Variants in SOBP observed in about 807,000 individuals in gnomAD.
The protein encoded by SOBP is sine oculis-binding protein homolog.
SOBP carries 4 observed loss-of-function variants against 53.6 expected under a neutral mutation model. That is an observed-to-expected ratio of 0.07 (90% CI 0.04 to 0.17). The LOEUF (loss-of-function observed/expected upper bound fraction) is 0.17, where lower values mean the gene tolerates loss of function less well. Among genes scored for constraint, SOBP ranks in the 10% least tolerant of loss-of-function variants. The pLI, the probability that SOBP is intolerant of heterozygous loss-of-function variation, is 1.00. For missense variants in SOBP, 1,088 were observed against 1,204.7 expected (o/e 0.90, Z 1.43); for synonymous variants, 584 against 522.6 (o/e 1.12, Z -1.60).
Position 107,633,964 on chromosome 6 carries a change from C to G in SOBP, c.1120C>G (p.Pro374Ala), listed in dbSNP as rs1283720266. 6.2e-7 allele frequency: 1 copy of G among 1,614,080 alleles called. No homozygotes were observed. The highest frequency in any genetic ancestry group is 8.5e-7 in the Non-Finnish European group (1 of 1,180,034). ...CGTCCAGCCACCTGCTAGCATCGGG[C>G]CTCCCCTTGGCGTCCCGCCTCGGAG... is the stretch of plus-strand genomic sequence containing the variant. ...VSVQPPASIG[P>A]PLGVPPRSPP... The change falls in exon 6 of 7, where the codon CCT becomes GCT. Residue 374 changes from proline (P) to alanine (A), a missense_variant. Around this residue, in one of 6 missense-constraint regions of SOBP, gnomAD observed 211 missense variants for 258.9 expected, o/e 0.82. Coordinates refer to ENST00000317357, the MANE Select transcript of SOBP (RefSeq NM_018013.4).
chr6:107,635,147 T>C lies in SOBP; in HGVS notation c.2303T>C (p.Leu768Pro). 6.2e-7 allele frequency: 1 copy of C among 1,612,996 alleles called. No individual in the cohort carries two copies. ...CCTGAGGAACCGGCGGTGAGCGAGC[T>C]AGAGTCGGTCAAGGAGAATAACTGT... ...LSPEEPAVSE[L>P]ESVKENNCAS... The change falls in exon 6 of 7, where the codon CTA (leucine) becomes CCA (proline). Residue 768 changes from leucine (L) to proline (P), a missense_variant. Transcript: ENST00000317357. The surrounding 1 kb of genome is among the most constrained non-coding windows in gnomAD (Gnocchi z 4.5).
chr6:107,514,704 G>GT (rs971198394), intron 3 of SOBP: 7 of 152,170 alleles, frequency 4.6e-5, no homozygotes, highest in African/African-American at 1.7e-4. Context: ...CTAAGCCTTA[G>GT]TTTCCTTGTC....
intron 5 of SOBP, among the ~76,000 whole-genome samples, chr6:107,624,082 T>G (rs1289334162): frequency 1.3e-5 from 2 of 152,198 alleles, no homozygotes; most frequent in Non-Finnish European, 2.9e-5. Flanking sequence ...AGCAAAGACC[T>G]TGCGTAAGCA....
intron 3 of SOBP, among the ~76,000 whole-genome samples, chr6:107,517,973 G>C (rs1051517534): frequency 3.9e-5 from 6 of 152,080 alleles, no homozygotes; most frequent in African/African-American, 1.4e-4. Flanking sequence ...ATTCGCCATA[G>C]TGCAATATAT....
chr6:107,574,113 A>G (rs1222123159), intron 4 of SOBP, among the ~76,000 whole-genome samples: 1 of 152,222 alleles, frequency 6.6e-6, no homozygotes, highest in African/African-American at 2.4e-5. Flanking sequence ...AATGACACAT[A>G]TAGTGCATCC....
intron 4 of SOBP, among the ~76,000 whole-genome samples, chr6:107,575,288 C>T (rs1785193297): frequency 1.3e-5 from 2 of 152,150 alleles, no homozygotes; most frequent in South Asian, 4.1e-4. Flanking sequence ...TGGCACAGGA[C>T]AATCATTAAA....
chr6:107,588,187 A>G (rs1785626318), intron 5 of SOBP, among the ~76,000 whole-genome samples: 1 of 152,164 alleles, frequency 6.6e-6, no homozygotes, highest in African/African-American at 2.4e-5. Flanking sequence ...CACATGTAAC[A>G]GTCTTTGGAT....
At chr6:107,653,175 G>A (rs554035649) in intron 6 of SOBP, among the ~76,000 whole-genome samples, 1 of 152,332 alleles carries the variant, frequency 6.6e-6, no homozygotes, top group African/African-American at 2.4e-5. Flanking sequence ...ATGAAGCAAT[G>A]GTTGATGGAG....
intron 4 of SOBP, among the ~76,000 whole-genome samples, chr6:107,535,580 A>G (rs1351641211): frequency 2.0e-5 from 3 of 148,420 alleles, no homozygotes; most frequent in Non-Finnish European, 3.0e-5. Context: ...ATCCTTCCTT[A>G]TATATCCCAA....
At position 107,659,721 on chromosome 6, in the gene SOBP, G is replaced by C. The variant is rs1299329586; in HGVS notation, c.*1518G>C. The C allele has an allele frequency of 2.0e-5, 3 of 152,730 alleles. No individual in the cohort carries two copies. The highest frequency in any genetic ancestry group is 7.2e-5 in the African/African-American group (3 of 41,456). 9.5% of individuals were successfully genotyped at this position (152,730 alleles called of 1,614,324 possible). On this transcript the variant is annotated 3_prime_UTR_variant, in exon 7 of 7. Coordinates refer to ENST00000317357, the MANE Select transcript of SOBP (RefSeq NM_018013.4). Reference sequence around the variant, plus strand: ...GTGGCGCCAGCCTTGAAGCACCACGGCCCAAGGATGCGGTGTACATACTGT... The same window carrying C: ...GTGGCGCCAGCCTTGAAGCACCACGCCCCAAGGATGCGGTGTACATACTGT...
At chr6:107,546,589 AG>A (rs949636586) in intron 4 of SOBP, among the ~76,000 whole-genome samples, 1 of 152,194 alleles carries the variant, frequency 6.6e-6, no homozygotes, top group African/African-American at 2.4e-5. Flanking sequence ...GCACACAGAA[AG>A]CCTCTGGATT....
At chr6:107,558,790 T>G (rs1399289070) in intron 4 of SOBP, among the ~76,000 whole-genome samples, 1 of 152,038 alleles carries the variant, frequency 6.6e-6, no homozygotes, top group Non-Finnish European at 1.5e-5. Flanking sequence ...TCAGAAAAAA[T>G]TTAAGTTATT....
chr6:107,557,850 C>T (rs1339074942), intron 4 of SOBP: 1 of 152,174 alleles, frequency 6.6e-6, no homozygotes, highest in Non-Finnish European at 1.5e-5. Flanking sequence ...TATCCTTTGT[C>T]TGTGTCATTC....
intron 5 of SOBP, among the ~76,000 whole-genome samples, chr6:107,602,276 G>A (rs1721312533): frequency 6.6e-6 from 1 of 152,206 alleles, no homozygotes; most frequent in African/African-American, 2.4e-5. Context: ...CTGAGACTCA[G>A]TCCTGATTGG....
chr6:107,583,506 A>G (rs567563975), intron 4 of SOBP, among the ~76,000 whole-genome samples: 3 of 152,244 alleles, frequency 2.0e-5, no homozygotes, highest in African/African-American at 7.2e-5. Context: ...CCCACAAGCA[A>G]CTAGTTCTGT....
At position 107,661,014 on chromosome 6, in the gene SOBP, G is replaced by A. The variant is rs1772272738; in HGVS notation, c.*2811G>A. Among the ~76,000 whole-genome samples, 1 of 152,196 alleles carries A rather than the reference G, an allele frequency of 6.6e-6. No homozygotes were observed. Among genetic ancestry groups the A allele is most frequent in the Non-Finnish European group, 1.5e-5 (1 of 68,038 alleles). On this transcript the variant is annotated 3_prime_UTR_variant, in exon 7 of 7. Transcript: ENST00000317357. ...AAGCCCAGCCAAGGACGTGCCAGCG[G>A]CCGAGGCACCCGGCTGTGGTTGTCC...
intron 3 of SOBP, chr6:107,513,810 G>T (rs1432129997): frequency 6.6e-6 from 1 of 152,116 alleles, no homozygotes; most frequent in African/African-American, 2.4e-5. Context: ...AGGAATTAAC[G>T]ATGAATGGCA....
At chr6:107,576,904 A>G (rs1785241242) in intron 4 of SOBP, among the ~76,000 whole-genome samples, 1 of 152,196 alleles carries the variant, frequency 6.6e-6, no homozygotes, top group African/African-American at 2.4e-5. Flanking sequence ...GTCACAAATA[A>G]CAATTGTGAC....
chr6:107,634,538 A>C lies in SOBP; in HGVS notation c.1694A>C (p.Asn565Thr). ...FSSNGENFIP[N>T]APGDSAAAGG... ...AGCAACGGGGAGAACTTCATTCCGA[A>C]CGCCCCTGGCGACTCCGCGGCGGCG... The change falls in exon 6 of 7, where the codon AAC becomes ACC. Residue 565 changes from asparagine to threonine, a missense_variant. Around this residue, in one of 6 missense-constraint regions of SOBP, gnomAD observed 665 missense variants for 629.7 expected, o/e 1.06. Transcript: ENST00000317357. This position sits in a 1 kb window ranked among gnomAD's most constrained non-coding sequence, Gnocchi z 4.5. 6.2e-7 allele frequency: 1 copy of C among 1,609,746 alleles called. No individual in the cohort carries two copies. Among genetic ancestry groups the C allele is most frequent in the Non-Finnish European group, 8.5e-7 (1 of 1,179,790 alleles).
Sources: allele counts gnomAD v4.1 joint callset (sites outside exome capture counted in the v4.1 genomes callset), GRCh38; gene constraint gnomAD v4.1.1; regional missense constraint gnomAD v4.1.1; non-coding constraint Gnocchi (gnomAD v3.1); transcripts MANE v1.5; gene names NCBI Gene and HGNC (gene_info 2026-07-23, HGNC 2026-07-21).